The following NAALADL2 variants were observed in gnomAD, a reference collection of about 807,000 sequenced individuals.
NAALADL2 encodes inactive N-acetylated-alpha-linked acidic dipeptidase-like protein 2.
Under a neutral mutation model 87.2 loss-of-function variants are expected in NAALADL2, and 76 were observed. The ratio of observed to expected loss-of-function variants is 0.87; its 90% CI spans 0.72 to 1.05. NAALADL2 has a LOEUF of 1.05. Among genes scored for constraint, NAALADL2 ranks in the 50% least tolerant of loss-of-function variants. The probability of loss-of-function intolerance (pLI) is 0.00; values close to 1 mark genes in which losing one functional copy is unlikely to be tolerated. For missense variants in NAALADL2, 1,089 were observed against 945.8 expected (o/e 1.15, Z -1.99); for synonymous variants, 354 against 331.0 (o/e 1.07, Z -0.75).
chr3:175,200,552 C>A (rs1739866280), intron 2 of NAALADL2, among the ~76,000 whole-genome samples: 1 of 152,142 alleles, frequency 6.6e-6, no homozygotes, highest in African/African-American at 2.4e-5. Context: ...TTCTCCTTTT[C>A]CACTTCCTGT....
At chr3:175,475,594 C>G (rs1725582619) in intron 9 of NAALADL2, among the ~76,000 whole-genome samples, 1 of 152,260 alleles carries the variant, frequency 6.6e-6, no homozygotes, top group South Asian at 2.1e-4. Context: ...GAAAGCAGTC[C>G]ATCTAGCCAT....
chr3:175,068,201 G>A (rs79741706), intron 1 of NAALADL2, among the ~76,000 whole-genome samples: 16,932 of 151,886 alleles, frequency 0.11, 1,078 homozygotes, highest in East Asian at 0.22. Flanking sequence ...CATGCAATAT[G>A]CCTATGTAAC....
intron 2 of NAALADL2, among the ~76,000 whole-genome samples, chr3:175,145,160 T>G (rs546134677): frequency 2.6e-5 from 4 of 152,176 alleles, no homozygotes; most frequent in South Asian, 4.1e-4. Context: ...TTATTCTTCA[T>G]TTAGGTGGTG....
chr3:175,577,371 T>C (rs1560788061), intron 10 of NAALADL2, among the ~76,000 whole-genome samples: 1 of 152,168 alleles, frequency 6.6e-6, no homozygotes, highest in Non-Finnish European at 1.5e-5. Context: ...TACAACATAT[T>C]AATGGGGTAA....
At chr3:175,439,678 T>C (rs943274748) in intron 5 of NAALADL2, among the ~76,000 whole-genome samples, 1 of 151,794 alleles carries the variant, frequency 6.6e-6, no homozygotes, top group Non-Finnish European at 1.5e-5. Flanking sequence ...GCCTACTTTT[T>C]GATGGGATTG....
chr3:175,563,075 G>A (rs967802817), intron 9 of NAALADL2, among the ~76,000 whole-genome samples: 15 of 151,536 alleles, frequency 9.9e-5, no homozygotes, highest in African/African-American at 3.2e-4. Context: ...TGTATAACTT[G>A]GCATTATTTA....
chr3:175,122,032 T>A (rs1253999781), intron 2 of NAALADL2, among the ~76,000 whole-genome samples: 1 of 151,900 alleles, frequency 6.6e-6, no homozygotes, highest in Non-Finnish European at 1.5e-5. Context: ...AATTATGCTG[T>A]CCTGAATTGG....
intron 1 of NAALADL2, among the ~76,000 whole-genome samples, chr3:175,075,394 G>A (rs1417053766): frequency 6.6e-6 from 1 of 152,122 alleles, no homozygotes; most frequent in Non-Finnish European, 1.5e-5. Context: ...AGTAAATGAA[G>A]CTCTTTCTAA....
intron 2 of NAALADL2, among the ~76,000 whole-genome samples, chr3:174,607,874 C>T (rs937795397): frequency 6.6e-6 from 1 of 151,742 alleles, no homozygotes; most frequent in African/African-American, 2.4e-5. Flanking sequence ...TTTTTTTCAG[C>T]ACCACACCAC....
intron 10 of NAALADL2, among the ~76,000 whole-genome samples, chr3:175,592,681 T>C (rs1013168874): frequency 7.1e-6 from 1 of 141,596 alleles, no homozygotes; most frequent in Non-Finnish European, 1.5e-5. Flanking sequence ...TAGGTGGGAA[T>C]TGAACAATGA....
rs1301729078 is a variant in NAALADL2 at position 175,786,287 on chromosome 3, G to C, written c.2190-16718G>C. Among the ~76,000 whole-genome samples, 106 of 152,258 alleles carry C rather than the reference G, an allele frequency of 7.0e-4. 1 individual carries two copies. The highest frequency in any genetic ancestry group is 2.1e-3 in the South Asian group (10 of 4,822). On this transcript the variant is annotated intron_variant, in intron 13 of 13. Transcript: ENST00000454872. Reference sequence around the variant, plus strand: ...GGGAAGTTCTCCTGGATAATATCCTGCAAAGTGTTTTCCAACTTGGTTCCA... The same window carrying C: ...GGGAAGTTCTCCTGGATAATATCCTCCAAAGTGTTTTCCAACTTGGTTCCA...
intron 2 of NAALADL2, among the ~76,000 whole-genome samples, chr3:174,705,655 C>T (rs1294621068): frequency 2.6e-5 from 4 of 150,974 alleles, no homozygotes; most frequent in Non-Finnish European, 4.4e-5. Flanking sequence ...TGGTGGTGGG[C>T]GCCTGTAATC....
At chr3:175,057,731 A>G (rs562800487) in intron 1 of NAALADL2, among the ~76,000 whole-genome samples, 2 of 152,346 alleles carry the variant, frequency 1.3e-5, no homozygotes, top group South Asian at 2.1e-4. Context: ...GCTTATACTC[A>G]TATGAGAAAA....
At chr3:174,601,993 C>T (rs1718504406) in intron 2 of NAALADL2, among the ~76,000 whole-genome samples, 1 of 152,066 alleles carries the variant, frequency 6.6e-6, no homozygotes, top group Non-Finnish European at 1.5e-5. Context: ...GTATTCTGTT[C>T]CACTGGTCTA....
At chr3:174,751,535 C>T (rs1373148564) in intron 3 of NAALADL2, among the ~76,000 whole-genome samples, 1 of 151,790 alleles carries the variant, frequency 6.6e-6, no homozygotes, top group Non-Finnish European at 1.5e-5. Context: ...TGGTGGCACA[C>T]GCCTGTAATC....
At chr3:175,370,222 T>G (rs1003761519) in intron 5 of NAALADL2, among the ~76,000 whole-genome samples, 3 of 152,178 alleles carry the variant, frequency 2.0e-5, no homozygotes, top group Non-Finnish European at 4.4e-5. Context: ...ATTTATCTGG[T>G]TGCTATCCAG....
At chr3:175,368,367 T>G (rs1462781101) in intron 5 of NAALADL2, among the ~76,000 whole-genome samples, 1 of 152,200 alleles carries the variant, frequency 6.6e-6, no homozygotes, top group East Asian at 1.9e-4. Context: ...GATGCTGGCC[T>G]CATAAAATGA....
intron 3 of NAALADL2, among the ~76,000 whole-genome samples, chr3:174,754,884 T>C (rs1422444736): frequency 6.6e-6 from 1 of 152,232 alleles, no homozygotes; most frequent in African/African-American, 2.4e-5. Context: ...ATAGGTTTTA[T>C]TGTTTTCATT....
intron 13 of NAALADL2, among the ~76,000 whole-genome samples, chr3:175,797,700 G>GTGTT (rs1753673772): frequency 6.6e-6 from 1 of 152,072 alleles, no homozygotes; most frequent in African/African-American, 2.4e-5. Context: ...CTCTGATATA[G>GTGTT]TGTTTGTTGT....
Sources: allele counts gnomAD v4.1 joint callset (sites outside exome capture counted in the v4.1 genomes callset), GRCh38; gene constraint gnomAD v4.1.1; transcripts MANE v1.5; gene names NCBI Gene and HGNC (gene_info 2026-07-23, HGNC 2026-07-21).